The following SIK3 variants were observed in gnomAD, a reference collection of about 807,000 sequenced individuals.
The protein encoded by SIK3 is SIK family kinase 3, also known as serine/threonine-protein kinase SIK3.
In SIK3, 28 loss-of-function variants were observed where a neutral mutation model predicts 144.2. The ratio of observed to expected loss-of-function variants is 0.19; its 90% CI spans 0.14 to 0.27. SIK3 has a LOEUF of 0.27. Among genes scored for constraint, SIK3 ranks in the 10% least tolerant of loss-of-function variants. SIK3 has a pLI of 1.00. For missense variants in SIK3, 1,319 were observed against 1,776.0 expected, an observed-to-expected ratio of 0.74 and a Z score of 4.62; for synonymous variants, 686 against 676.3, an observed-to-expected ratio of 1.01 and a Z score of -0.22.
intron 1 of SIK3, among the ~76,000 whole-genome samples, chr11:117,068,937 G>T (rs564256236): frequency 9.7e-4 from 147 of 152,112 alleles, no homozygotes; most frequent in Middle Eastern, 3.4e-3. Context: ...CTTAAAGATG[G>T]GTAGTATGAC....
At chr11:117,023,958 C>T (rs970490073) in intron 1 of SIK3, among the ~76,000 whole-genome samples, 8 of 152,102 alleles carry the variant, frequency 5.3e-5, no homozygotes, top group African/African-American at 1.9e-4. Flanking sequence ...GAATTACAGG[C>T]ATGAGCCACC....
intron 1 of SIK3, among the ~76,000 whole-genome samples, chr11:117,089,377 A>G (rs1323068504): frequency 6.6e-6 from 1 of 150,770 alleles, no homozygotes; most frequent in African/African-American, 2.4e-5. Context: ...ACTGCACTCC[A>G]GCCTGGGCAA....
rs114870668 is a variant in SIK3, at chr11:116,867,591, G to A, written c.1952+355C>T. On this transcript the variant is annotated intron_variant, in intron 15 of 24. Transcript: ENST00000445177. The surrounding 1 kb of genome is among the most constrained non-coding windows in gnomAD (Gnocchi z 4.1). ...TGGATTATTAAAGGTCAAGTCTATC[G>A]ATATGGCTAAAAATCTTCCTGTTTC... 145 of 191,696 alleles carry A rather than the reference G, an allele frequency of 7.6e-4. No homozygotes were observed. Among genetic ancestry groups the A allele is most frequent in the African/African-American group, 3.0e-3 (131 of 42,998 alleles). The allele number at this position is 191,696 out of a possible 1,614,324, so 11.9% of individuals were successfully genotyped here.
At chr11:116,967,598 C>A (rs1007831028) in intron 1 of SIK3, among the ~76,000 whole-genome samples, 2 of 152,160 alleles carry the variant, frequency 1.3e-5, no homozygotes, top group Non-Finnish European at 2.9e-5. Flanking sequence ...TGACATCTCC[C>A]AATTATTTGA....
intron 1 of SIK3, among the ~76,000 whole-genome samples, chr11:117,088,361 C>T (rs1438870507): frequency 6.6e-6 from 1 of 152,104 alleles, no homozygotes; most frequent in African/African-American, 2.4e-5. Context: ...ATTACTAGCC[C>T]AGAAAAGCTG....
At chr11:117,060,849 A>G (rs1319771297) in intron 1 of SIK3, among the ~76,000 whole-genome samples, 1 of 152,206 alleles carries the variant, frequency 6.6e-6, no homozygotes, top group Non-Finnish European at 1.5e-5. Flanking sequence ...CACTAATGCA[A>G]GATGTTAATA....
chr11:117,051,718 G>C (rs1306159265), intron 1 of SIK3, among the ~76,000 whole-genome samples: 1 of 151,824 alleles, frequency 6.6e-6, no homozygotes, highest in Non-Finnish European at 1.5e-5. Context: ...TAATAGAGAT[G>C]GGGTTTCAAC....
intron 1 of SIK3, among the ~76,000 whole-genome samples, chr11:117,033,022 G>T (rs1161058188): frequency 6.6e-6 from 1 of 152,104 alleles, no homozygotes; most frequent in Non-Finnish European, 1.5e-5. Flanking sequence ...CACCCATGAG[G>T]TTAACCTGCC....
chr11:116,990,347 T>C (rs1208853446), intron 1 of SIK3, among the ~76,000 whole-genome samples: 2 of 152,162 alleles, frequency 1.3e-5, no homozygotes, highest in Non-Finnish European at 2.9e-5. Flanking sequence ...CACTCCCCAG[T>C]TCAAAGAATG....
At chr11:117,036,114 C>T (rs1952490083) in intron 1 of SIK3, 2 of 577,944 alleles carry the variant, frequency 3.5e-6, no homozygotes, top group African/African-American at 3.8e-5. Context: ...TAGTCAAGGT[C>T]TCACTTTGTC....
At chr11:117,042,698 T>C (rs1952800361) in intron 1 of SIK3, among the ~76,000 whole-genome samples, 1 of 152,228 alleles carries the variant, frequency 6.6e-6, no homozygotes, top group African/African-American at 2.4e-5. Context: ...AAAAGCCAAC[T>C]GGCTAAAATG....
chr11:117,030,154 G>A (rs1952193050), intron 1 of SIK3, among the ~76,000 whole-genome samples: 1 of 152,042 alleles, frequency 6.6e-6, no homozygotes. Context: ...GAATATAAAA[G>A]GGGCATAAAT....
intron 1 of SIK3, among the ~76,000 whole-genome samples, chr11:116,968,069 T>C (rs1228330369): frequency 1.3e-5 from 2 of 152,248 alleles, no homozygotes; most frequent in Non-Finnish European, 2.9e-5. Context: ...TGATGAATAG[T>C]GTAATTTAAG....
chr11:117,069,660 A>G (rs1954179270), intron 1 of SIK3, among the ~76,000 whole-genome samples: 1 of 152,176 alleles, frequency 6.6e-6, no homozygotes, highest in Admixed American at 6.5e-5. Flanking sequence ...AGTGTAGGCA[A>G]AAGAGCATTT....
chr11:116,898,064 G>C (rs922904737), intron 4 of SIK3, among the ~76,000 whole-genome samples: 17 of 151,752 alleles, frequency 1.1e-4, no homozygotes, highest in Non-Finnish European at 2.5e-4. Context: ...ATGCTGGTGC[G>C]CTGCACCCAC....
chr11:116,932,477 C>T (rs1205362417), intron 3 of SIK3, among the ~76,000 whole-genome samples: 1 of 151,136 alleles, frequency 6.6e-6, no homozygotes, highest in Non-Finnish European at 1.5e-5. Flanking sequence ...GGAACAACAA[C>T]TGCAATTACT....
chr11:116,926,517 C>T (rs1947281854), intron 4 of SIK3, among the ~76,000 whole-genome samples: 1 of 152,172 alleles, frequency 6.6e-6, no homozygotes, highest in Non-Finnish European at 1.5e-5. Flanking sequence ...CAATTACAGC[C>T]TTTAGAATAA....
rs766165040 is a variant in SIK3 at position 116,873,614 on chromosome 11, G to A, written c.1604C>T (p.Pro535Leu). 3.8e-6 allele frequency: 6 copies of A among 1,575,204 alleles called. No homozygotes were observed. Among genetic ancestry groups the A allele is most frequent in the South Asian group, 2.4e-5 (2 of 83,724 alleles). The change falls in exon 13 of 25, where the codon CCC becomes CTC. Residue 535 changes from proline to leucine, a missense_variant. Pro to Leu is a moderately conservative substitution (Grantham distance 98). Transcript: ENST00000445177. ...CATTCCATTCAACAGCTGTAGCGTG[G>A]GCGGCTGTAGGAGAGACTGCTCCTG... is the stretch of plus-strand genomic sequence containing the variant. ...EYKEQSLLQP[P>L]TLQLLNGMGP...
chr11:116,900,865 A>T lies in SIK3; in HGVS notation c.617-3548T>A, dbSNP rs935602423. ...ATATACATATACATATATATTATTTATTTTTTTTTTTTTTTTGAGACAGAG... is the reference window on the plus strand; with the variant it reads ...ATATACATATACATATATATTATTTTTTTTTTTTTTTTTTTTGAGACAGAG... On this transcript the variant is annotated intron_variant, in intron 4 of 24. Coordinates refer to ENST00000445177, the MANE Select transcript of SIK3 (RefSeq NM_001366686.3). 3.4e-3 allele frequency among the ~76,000 whole-genome samples: 489 copies of T among 145,644 alleles called. 2 individuals carry two copies. Among genetic ancestry groups the T allele is most frequent in the African/African-American group, 0.011 (411 of 38,942 alleles).
Sources: allele counts gnomAD v4.1 joint callset (sites outside exome capture counted in the v4.1 genomes callset), GRCh38; gene constraint gnomAD v4.1.1; non-coding constraint Gnocchi (gnomAD v3.1); transcripts MANE v1.5; gene names NCBI Gene and HGNC (gene_info 2026-07-23, HGNC 2026-07-21).